Variants in MYO3A observed in about 807,000 individuals in gnomAD.
MYO3A encodes the protein myosin-IIIa.
MYO3A carries 180 observed loss-of-function variants against 192.7 expected under a neutral mutation model. That is an observed-to-expected ratio of 0.93 (90% CI 0.83 to 1.06). The LOEUF (loss-of-function observed/expected upper bound fraction) is 1.06. Ranked by LOEUF, MYO3A falls within the 50% of genes least tolerant of loss-of-function variation. The pLI is 0.00. For missense variants in MYO3A, 1,896 were observed against 1,905.0 expected (o/e 1.00, Z 0.09); for synonymous variants, 628 against 645.3 (o/e 0.97, Z 0.41).
chr10:25,956,608 T>TGC (rs1837560180), intron 4 of MYO3A, among the ~76,000 whole-genome samples: 2 of 151,624 alleles, frequency 1.3e-5, no homozygotes, highest in Non-Finnish European at 2.9e-5. Flanking sequence ...CCTCCTAAAG[T>TGC]GCCTGGTCTC....
At chr10:26,074,089 A>G (rs1301528632) in intron 14 of MYO3A, among the ~76,000 whole-genome samples, 1 of 151,976 alleles carries the variant, frequency 6.6e-6, no homozygotes, top group African/African-American at 2.4e-5. Flanking sequence ...GCCAAAAAAG[A>G]AAAAAAACTG....
chr10:26,095,022 G>A (rs533705495), intron 15 of MYO3A, among the ~76,000 whole-genome samples: 3 of 152,218 alleles, frequency 2.0e-5, no homozygotes, highest in South Asian at 2.1e-4. Context: ...GGCTGTGGAG[G>A]GGGTGAAGGA....
At chr10:26,119,607 G>A (rs957411755) in intron 17 of MYO3A, among the ~76,000 whole-genome samples, 1 of 152,148 alleles carries the variant, frequency 6.6e-6, no homozygotes, top group Non-Finnish European at 1.5e-5. Flanking sequence ...CCTTTGTTAA[G>A]TGTAGGAGCT....
chr10:25,987,390 G>A (rs753644268), intron 4 of MYO3A, among the ~76,000 whole-genome samples: 11 of 152,204 alleles, frequency 7.2e-5, no homozygotes, highest in East Asian at 1.9e-4. Flanking sequence ...AAGCTTCTGC[G>A]CAGCAAAAGA....
intron 29 of MYO3A, among the ~76,000 whole-genome samples, chr10:26,172,373 C>A (rs1842093577): frequency 1.3e-5 from 2 of 152,204 alleles, no homozygotes; most frequent in Admixed American, 1.3e-4. Flanking sequence ...CAGTCCTCCC[C>A]ACGCTGGAGC....
At chr10:26,008,876 G>A (rs532029377) in intron 6 of MYO3A, among the ~76,000 whole-genome samples, 1 of 151,852 alleles carries the variant, frequency 6.6e-6, no homozygotes, top group South Asian at 2.1e-4. Flanking sequence ...TCCCATTACT[G>A]GGTATATACC....
In MYO3A at chr10:26,068,831, G is replaced by A. The variant is rs747146162; in HGVS notation, c.1117G>A (p.Asp373Asn). ...SRDQIYVYVG[D>N]ILIALNPFQS... is the part of the protein sequence containing the mutation. ...AGATCAGATCTACGTCTATGTGGGAGACATACTCATTGCTCTTAACCCTTT... is the reference window on the plus strand; with the variant it reads ...AGATCAGATCTACGTCTATGTGGGAAACATACTCATTGCTCTTAACCCTTT... Residue 373 changes from aspartate to asparagine, a missense_variant, in exon 12 of 35, where the codon GAC (aspartate) becomes AAC (asparagine). Asp to Asn is a conservative substitution (Grantham distance 23). Coordinates refer to ENST00000642920, the MANE Select transcript of MYO3A (RefSeq NM_017433.5). The A allele has an allele frequency of 5.1e-5, 82 of 1,601,422 alleles. No homozygotes were observed. Among genetic ancestry groups the A allele is most frequent in the Non-Finnish European group, 6.9e-5 (81 of 1,168,738 alleles).
intron 34 of MYO3A, among the ~76,000 whole-genome samples, chr10:26,206,423 ATTTAT>A (rs1440049726): frequency 3.3e-5 from 5 of 150,494 alleles, no homozygotes; most frequent in Admixed American, 6.6e-5. Flanking sequence ...GTAGGATCAT[ATTTAT>A]TTTATTTTAT....
chr10:26,139,668 T>A (rs1370768664), intron 20 of MYO3A, among the ~76,000 whole-genome samples: 3 of 151,722 alleles, frequency 2.0e-5, no homozygotes, highest in African/African-American at 7.3e-5. Flanking sequence ...AAGGTTGGGG[T>A]GCGGTGGGGG....
At chr10:26,035,007 T>C (rs1357009799) in intron 10 of MYO3A, among the ~76,000 whole-genome samples, 3 of 151,956 alleles carry the variant, frequency 2.0e-5, no homozygotes, top group African/African-American at 4.8e-5. Flanking sequence ...TCCCATCTTA[T>C]CTTGGCTAAA....
rs532180894 is a variant in MYO3A at position 26,210,101 on chromosome 10, G to A, written c.4731-1742G>A. 1.4e-4 allele frequency among the ~76,000 whole-genome samples: 16 copies of A among 113,548 alleles called. No homozygotes were observed. In the South Asian group the frequency reaches 2.0e-3, roughly 14 times the overall value. The allele number at this position is 113,548 out of a possible 152,430, so 74.5% of individuals were successfully genotyped here. On this transcript the variant is annotated intron_variant, in intron 34 of 34. Coordinates refer to ENST00000642920, the MANE Select transcript of MYO3A (RefSeq NM_017433.5). ...CCTGGGTGACAGAGTGAGAAAGAGC[G>A]AAAAGAGAGAGAGAAGGGAGGGAGG...
chr10:26,125,902 T>A (rs936412650), intron 19 of MYO3A, among the ~76,000 whole-genome samples: 2 of 152,184 alleles, frequency 1.3e-5, no homozygotes, highest in Non-Finnish European at 2.9e-5. Context: ...TAGGTTTTTT[T>A]AATTAGAAGT....
chr10:26,166,416 C>T (rs1020452462), intron 27 of MYO3A, among the ~76,000 whole-genome samples: 27 of 152,112 alleles, frequency 1.8e-4, no homozygotes, highest in African/African-American at 6.0e-4. Flanking sequence ...GTAGCTGACA[C>T]CTCTAATCCC....
At chr10:26,083,977 A>G (rs1030512945) in intron 14 of MYO3A, among the ~76,000 whole-genome samples, 2 of 152,222 alleles carry the variant, frequency 1.3e-5, no homozygotes, top group Non-Finnish European at 1.5e-5. Context: ...AATGGAAATC[A>G]CAGCAAGACC....
At position 26,129,672 on chromosome 10, in the gene MYO3A, T is replaced by C. The variant is rs562253674; in HGVS notation, c.2262+1134T>C. Reference sequence around the variant, plus strand: ...GCGTATCTGGCTGTGACCTCCCCAATTCCCCTGGAATGGCCCTTCCTCATC... The same window carrying C: ...GCGTATCTGGCTGTGACCTCCCCAACTCCCCTGGAATGGCCCTTCCTCATC... On this transcript the variant is annotated intron_variant, in intron 20 of 34. Coordinates refer to ENST00000642920, the MANE Select transcript of MYO3A (RefSeq NM_017433.5). Among the ~76,000 whole-genome samples the C allele has an allele frequency of 2.0e-5, 3 of 152,236 alleles. No homozygotes were observed. The South Asian group carries it at 6.2e-4, about 32-fold the overall frequency.
intron 3 of MYO3A, among the ~76,000 whole-genome samples, chr10:25,954,240 A>G (rs1837392985): frequency 6.6e-6 from 1 of 152,098 alleles, no homozygotes; most frequent in Admixed American, 6.6e-5. Flanking sequence ...TCTCTTATTT[A>G]TTGCTGTATG....
chr10:25,962,981 A>G (rs1218728866), intron 4 of MYO3A, among the ~76,000 whole-genome samples: 1 of 152,168 alleles, frequency 6.6e-6, no homozygotes, highest in East Asian at 1.9e-4. Context: ...AATGAATCCA[A>G]AATTCAGAGT....
chr10:26,145,298 G>GTA, intron 21 of MYO3A, 148 bp from the exon 22 acceptor site: 1 of 638,846 alleles, frequency 1.6e-6, no homozygotes, highest in South Asian at 1.8e-5. Context: ...ACTTTACCAT[G>GTA]TATAATTCTA....
intron 17 of MYO3A, among the ~76,000 whole-genome samples, chr10:26,097,721 C>A (rs907737942): frequency 6.6e-6 from 1 of 152,116 alleles, no homozygotes; most frequent in Non-Finnish European, 1.5e-5. Flanking sequence ...TGAACTCATC[C>A]TTTTTTATGG....
Sources: allele counts gnomAD v4.1 joint callset (sites outside exome capture counted in the v4.1 genomes callset), GRCh38; gene constraint gnomAD v4.1.1; transcripts MANE v1.5; gene names NCBI Gene and HGNC (gene_info 2026-07-23, HGNC 2026-07-21).